THSD7A: variants seen among roughly 807,000 people sequenced by gnomAD.
THSD7A encodes thrombospondin type 1 domain containing 7A.
A neutral mutation model predicts 231.3 loss-of-function variants in THSD7A; 96 were observed. The ratio of observed to expected loss-of-function variants is 0.41; its 90% CI spans 0.35 to 0.49. THSD7A has a LOEUF of 0.49. THSD7A is among the 20% of genes least tolerant of loss of function. The pLI, the probability that THSD7A is intolerant of heterozygous loss-of-function variation, is 0.05. For missense variants in THSD7A, 2,290 were observed against 2,070.2 expected (o/e 1.11, Z -2.06); for synonymous variants, 940 against 743.3 (o/e 1.26, Z -4.30).
At chr7:11,774,706 A>C (rs1304423658) in intron 1 of THSD7A, among the ~76,000 whole-genome samples, 2 of 152,252 alleles carry the variant, frequency 1.3e-5, no homozygotes, top group African/African-American at 4.8e-5. Context: ...AAAATCATAC[A>C]ATTAGCTTTG....
At chr7:11,584,881 T>C (rs1041759495) in intron 4 of THSD7A, among the ~76,000 whole-genome samples, 2 of 152,138 alleles carry the variant, frequency 1.3e-5, no homozygotes, top group Admixed American at 6.5e-5. Flanking sequence ...GCAGTGTGAG[T>C]GCGAATATAG....
chr7:11,684,607 C>G (rs1008658215), intron 1 of THSD7A, among the ~76,000 whole-genome samples: 3 of 151,660 alleles, frequency 2.0e-5, no homozygotes, highest in African/African-American at 7.3e-5. Flanking sequence ...AGCTGGAAAC[C>G]AAATCAAGAA....
intron 6 of THSD7A, among the ~76,000 whole-genome samples, chr7:11,523,059 T>G (rs1788331526): frequency 1.3e-5 from 2 of 152,092 alleles, no homozygotes; most frequent in African/African-American, 4.8e-5. Context: ...GGCGTTGTAT[T>G]AGTCACACAT....
Position 11,474,568 on chromosome 7 carries a change from C to T in THSD7A, c.2018G>A (p.Gly673Asp), listed in dbSNP as rs769076025. 6 of 1,584,580 alleles carry T rather than the reference C, an allele frequency of 3.8e-6. No individual in the cohort carries two copies. The highest frequency in any genetic ancestry group is 4.6e-5 in the East Asian group (2 of 43,898). Residue 673 changes from glycine (G) to aspartate (D), a missense_variant and splice_region_variant, in exon 8 of 28, where the codon GGT becomes GAT. Gly to Asp is a moderately conservative substitution (Grantham distance 94). Coordinates refer to ENST00000423059, the MANE Select transcript of THSD7A (RefSeq NM_015204.3). The surrounding 1 kb of genome is among the most constrained non-coding windows in gnomAD (Gnocchi z 4.1). ...RSILAYAGEE[G>D]GIRCPNSSAL... is the part of the protein sequence containing the mutation. ...ACTGCTATTTGGACAGCGAATTCCA[C>T]CTAAAAACATGGACAATGATAGCAA...
At chr7:11,621,919 T>A (rs1459463511) in intron 2 of THSD7A, among the ~76,000 whole-genome samples, 1 of 152,122 alleles carries the variant, frequency 6.6e-6, no homozygotes, top group Non-Finnish European at 1.5e-5. Context: ...AATTTTCAAA[T>A]ATGTTTGTCA....
intron 24 of THSD7A, 98 bp from the exon 25 acceptor site, chr7:11,379,810 G>T: frequency 1.5e-6 from 2 of 1,294,688 alleles, no homozygotes; most frequent in Non-Finnish European, 2.2e-6. Flanking sequence ...GAACCACCTT[G>T]GGAATCCCAG....
chr7:11,790,125 C>A (rs977789874), intron 1 of THSD7A, among the ~76,000 whole-genome samples: 14 of 151,780 alleles, frequency 9.2e-5, no homozygotes, highest in African/African-American at 3.4e-4. Context: ...GTATTAATTT[C>A]AAAAATCAGA....
intron 1 of THSD7A, among the ~76,000 whole-genome samples, chr7:11,782,187 C>T (rs919965816): frequency 3.9e-5 from 6 of 152,138 alleles, no homozygotes; most frequent in Non-Finnish European, 8.8e-5. Flanking sequence ...TGTTCTGCAG[C>T]ACTTCATACC....
intron 1 of THSD7A, among the ~76,000 whole-genome samples, chr7:11,807,793 T>C (rs1000933321): frequency 6.6e-6 from 1 of 152,206 alleles, no homozygotes; most frequent in Admixed American, 6.6e-5. Context: ...AATATTTTGC[T>C]ACAACTAAAA....
At chr7:11,496,388 T>C (rs1787099171) in intron 6 of THSD7A, among the ~76,000 whole-genome samples, 1 of 152,160 alleles carries the variant, frequency 6.6e-6, no homozygotes, top group African/African-American at 2.4e-5. Flanking sequence ...CAAGAAAATA[T>C]GCGAGAGGTG....
At chr7:11,657,156 T>C (rs1584159286) in intron 1 of THSD7A, among the ~76,000 whole-genome samples, 2 of 151,952 alleles carry the variant, frequency 1.3e-5, no homozygotes, top group Admixed American at 1.3e-4. Context: ...TATGTATACA[T>C]AGCAGTGTGA....
rs565133078 is a variant in THSD7A, at chr7:11,501,885, A to G, written c.1823-19903T>C. Among the ~76,000 whole-genome samples the G allele has an allele frequency of 8.1e-4, 123 of 152,300 alleles. 1 individual carries two copies. Among genetic ancestry groups the G allele is most frequent in the African/African-American group, 2.9e-3 (122 of 41,564 alleles). On this transcript the variant is annotated intron_variant, in intron 6 of 27. Transcript: ENST00000423059. ...AAAGTAATAAAATAGTTTAGCCACTATCTAGACTAATAGAAGAGAGAAAAG... is the reference window on the plus strand; with the variant it reads ...AAAGTAATAAAATAGTTTAGCCACTGTCTAGACTAATAGAAGAGAGAAAAG...
At chr7:11,660,230 T>C (rs1782878100) in intron 1 of THSD7A, among the ~76,000 whole-genome samples, 1 of 151,542 alleles carries the variant, frequency 6.6e-6, no homozygotes, top group African/African-American at 2.4e-5. Flanking sequence ...CTGGATATTC[T>C]CTGATGTTCA....
At chr7:11,398,008 T>TAGAACCAGAAACAC (rs1783254717) in intron 23 of THSD7A, among the ~76,000 whole-genome samples, 2 of 149,228 alleles carry the variant, frequency 1.3e-5, no homozygotes, top group African/African-American at 4.9e-5. Flanking sequence ...CAATGGTGAT[T>TAGAACCAGAAACAC]CATTGGACCC....
At position 11,510,162 on chromosome 7, in the gene THSD7A, C is replaced by T. The variant is rs1583876162; in HGVS notation, c.1823-28180G>A. Among the ~76,000 whole-genome samples the T allele has an allele frequency of 3.3e-5, 5 of 152,052 alleles. No homozygotes were observed. The South Asian group carries it at 6.2e-4, about 19-fold the overall frequency. On this transcript the variant is annotated intron_variant, in intron 6 of 27. Coordinates refer to ENST00000423059, the MANE Select transcript of THSD7A (RefSeq NM_015204.3). ...ACCAACCCAAATGCCGATCAGTCAACGACTGGATAAAGAAACTGTTTTAAA... is the reference window on the plus strand; with the variant it reads ...ACCAACCCAAATGCCGATCAGTCAATGACTGGATAAAGAAACTGTTTTAAA...
At chr7:11,457,643 C>G (rs62438190) in intron 11 of THSD7A, among the ~76,000 whole-genome samples, 2,087 of 152,170 alleles carry the variant, frequency 0.014, 20 homozygotes, top group South Asian at 0.053. Context: ...TACCACTTAT[C>G]GAACAAGGTC....
rs1320096867 is a variant in THSD7A at position 11,636,445 on chromosome 7, G to A, written c.707C>T (p.Thr236Met). ...QFGGSGCPNL[T>M]EFQVCQSSPC... ...ACTGGATTGGCACACCTGGAACTCC[G>A]TCAGGTTTGGACAGCCAGAGCCTCC... Residue 236 changes from threonine (T) to methionine (M), a missense_variant, in exon 2 of 28, where the codon ACG (threonine) becomes ATG (methionine). Physicochemically the swap from Thr to Met is moderately conservative, Grantham distance 81 (BLOSUM62 -1). Transcript: ENST00000423059. This position sits in a 1 kb window ranked among gnomAD's most constrained non-coding sequence, Gnocchi z 10.0. 3 of 1,613,568 alleles carry A rather than the reference G, an allele frequency of 1.9e-6. No individual in the cohort carries two copies. Among genetic ancestry groups the A allele is most frequent in the Admixed American group, 1.7e-5 (1 of 59,996 alleles).
At chr7:11,817,610 C>A (rs965462629) in intron 1 of THSD7A, among the ~76,000 whole-genome samples, 2 of 152,104 alleles carry the variant, frequency 1.3e-5, no homozygotes, top group Non-Finnish European at 2.9e-5. Context: ...AAATTCTGTA[C>A]CAGTGAGCAG....
chr7:11,431,734 C>G (rs1450153552), intron 13 of THSD7A, among the ~76,000 whole-genome samples: 1 of 152,002 alleles, frequency 6.6e-6, no homozygotes, highest in Non-Finnish European at 1.5e-5. Context: ...AAAATTGCAG[C>G]TAGGATTTTG....
Sources: gnomAD v4.1 joint callset for allele counts (sites outside exome capture counted in the v4.1 genomes callset) on GRCh38, gnomAD v4.1.1 for gene constraint, Gnocchi (gnomAD v3.1) non-coding constraint, MANE v1.5 for transcripts, NCBI Gene and HGNC (gene_info 2026-07-23, HGNC 2026-07-21) for gene names.